The following PBX1 variants were observed in gnomAD, a reference collection of about 807,000 sequenced individuals.
The protein encoded by PBX1 is pre-B-cell leukemia transcription factor 1.
In PBX1, 6 loss-of-function variants were observed where a neutral mutation model predicts 53.4. The observed-to-expected ratio is 0.11, with a 90% CI of 0.06 to 0.22. The LOEUF is 0.22. Among genes scored for constraint, PBX1 ranks in the 10% least tolerant of loss-of-function variants. PBX1 has a pLI of 1.00. For synonymous variants in PBX1, 204 were observed against 212.3 expected, an observed-to-expected ratio of 0.96 and a Z score of 0.34; for missense variants, 251 against 551.4, an observed-to-expected ratio of 0.46 and a Z score of 5.46.
intron 2 of PBX1, among the ~76,000 whole-genome samples, chr1:164,701,326 G>T (rs1351184956): frequency 6.6e-6 from 1 of 152,196 alleles, no homozygotes; most frequent in Non-Finnish European, 1.5e-5. Context: ...TGTTATCTCA[G>T]ATATGGATAT....
chr1:164,623,448 A>C (rs1280276357), intron 2 of PBX1, among the ~76,000 whole-genome samples: 1 of 152,184 alleles, frequency 6.6e-6, no homozygotes, highest in Non-Finnish European at 1.5e-5. Context: ...TTGTCTAGGA[A>C]ATTTTTAAAG....
At position 164,747,334 on chromosome 1, in the gene PBX1, T is replaced by C. The variant is rs563243554; in HGVS notation, c.266-45160T>C. On this transcript the variant is annotated intron_variant, in intron 2 of 8. Transcript: ENST00000420696. Reference sequence around the variant, plus strand: ...TATGAATCATGTATATATATATATATACACACACACACATATGTATGTATG... The same window carrying C: ...TATGAATCATGTATATATATATATACACACACACACACATATGTATGTATG... Among the ~76,000 whole-genome samples the C allele has an allele frequency of 1.7e-3, 258 of 151,336 alleles. 1 individual carries two copies. The highest frequency in any genetic ancestry group is 3.0e-3 in the Non-Finnish European group (204 of 67,850).
intron 8 of PBX1, among the ~76,000 whole-genome samples, chr1:164,828,149 G>A (rs972033243): frequency 2.6e-5 from 4 of 152,138 alleles, no homozygotes; most frequent in Non-Finnish European, 5.9e-5. Flanking sequence ...ATAATAAAAA[G>A]CATTATTTTG....
intron 2 of PBX1, among the ~76,000 whole-genome samples, chr1:164,708,924 T>C (rs1291721891): frequency 6.6e-6 from 1 of 152,184 alleles, no homozygotes; most frequent in African/African-American, 2.4e-5. Context: ...CACTACTTAT[T>C]GAGTGCTGAC....
At chr1:164,884,783 G>A (rs888253010) in intron 2 of PBX1, among the ~76,000 whole-genome samples, 1 of 152,164 alleles carries the variant, frequency 6.6e-6, no homozygotes, top group Non-Finnish European at 1.5e-5. Context: ...GAGCCCCAAA[G>A]CAATAATCTC....
intron 2 of PBX1, among the ~76,000 whole-genome samples, chr1:164,780,809 G>A (rs1019703116): frequency 1.3e-5 from 2 of 152,078 alleles, no homozygotes; most frequent in Non-Finnish European, 2.9e-5. Flanking sequence ...AATCTCAGTC[G>A]CCCTTACCCC....
rs181099830 is a variant in PBX1, at chr1:164,808,407, T to G, written c.837+730T>G. 2.6e-5 allele frequency among the ~76,000 whole-genome samples: 4 copies of G among 152,326 alleles called. No individual in the cohort carries two copies. In the East Asian group the frequency reaches 7.7e-4, roughly 29 times the overall value. ...AGATCCACCCAAACTTCTTATTCAGTCTGAACCTCAAATACCACCACTGGT... is the reference window on the plus strand; with the variant it reads ...AGATCCACCCAAACTTCTTATTCAGGCTGAACCTCAAATACCACCACTGGT... On this transcript the variant is annotated intron_variant, in intron 5 of 8. Coordinates refer to ENST00000420696, the MANE Select transcript of PBX1 (RefSeq NM_002585.4).
rs1373389510 is a variant in PBX1 at position 164,847,784 on chromosome 1, A to G, written c.*1108A>G. 9.5e-7 allele frequency: 1 copy of G among 1,052,674 alleles called. No individual in the cohort carries two copies. The highest frequency in any genetic ancestry group is 1.1e-6 in the Non-Finnish European group (1 of 871,516). The allele number at this position is 1,052,674 out of a possible 1,614,324, so 65.2% of individuals were successfully genotyped here. A position where few individuals can be genotyped will look rare whatever the true frequency, so the allele number is the denominator to read the frequency against. On this transcript the variant is annotated 3_prime_UTR_variant, in exon 9 of 9. Transcript: ENST00000420696. Reference sequence around the variant, plus strand: ...AAGGTCACTGACACAGAGAAGCAGTATGTGTCTGGGGCTTCCAGGACCTGC... The same window carrying G: ...AAGGTCACTGACACAGAGAAGCAGTGTGTGTCTGGGGCTTCCAGGACCTGC...
chr1:164,739,327 C>A (rs989781184), intron 2 of PBX1, among the ~76,000 whole-genome samples: 1 of 152,100 alleles, frequency 6.6e-6, no homozygotes, highest in Non-Finnish European at 1.5e-5. Context: ...TCAAGAAATA[C>A]GTGGTTGTGG....
At chr1:164,641,346 A>G (rs1325787558) in intron 2 of PBX1, 1 of 152,830 alleles carries the variant, frequency 6.5e-6, no homozygotes, top group African/African-American at 2.4e-5. Flanking sequence ...TATGGTACCT[A>G]GGAAACTAGC....
At chr1:164,671,756 TAGAA>T (rs1661127371) in intron 2 of PBX1, among the ~76,000 whole-genome samples, 1 of 152,076 alleles carries the variant, frequency 6.6e-6, no homozygotes, top group Non-Finnish European at 1.5e-5. Flanking sequence ...TTCAAATCAA[TAGAA>T]AGCCTCTGCG....
chr1:164,605,794 AAAC>A (rs1439382458), intron 2 of PBX1, among the ~76,000 whole-genome samples: 5 of 152,358 alleles, frequency 3.3e-5, no homozygotes, highest in South Asian at 2.1e-4. Context: ...TTTATAAAGT[AAAC>A]AACATCTATT....
downstream of PBX1, among the ~76,000 whole-genome samples, chr1:164,855,138 G>T (rs1279827710): frequency 3.3e-5 from 5 of 151,938 alleles, no homozygotes; most frequent in African/African-American, 1.2e-4. Flanking sequence ...TAGAGATGAG[G>T]TCTTGCCATG....
intron 2 of PBX1, among the ~76,000 whole-genome samples, chr1:164,571,918 C>CATATATATAT (rs1557867060): frequency 4.7e-5 from 2 of 42,342 alleles, no homozygotes; most frequent in African/African-American, 8.7e-5. Context: ...TATATATATG[C>CATATATATAT]TTTTTTTTTT....
At chr1:164,624,697 TAAAC>T (rs1281248506) in intron 2 of PBX1, among the ~76,000 whole-genome samples, 1 of 152,242 alleles carries the variant, frequency 6.6e-6, no homozygotes, top group Non-Finnish European at 1.5e-5. Context: ...CACATTCACT[TAAAC>T]AAGCATTTTT....
chr1:164,677,944 A>C (rs1661533402), intron 2 of PBX1, among the ~76,000 whole-genome samples: 1 of 151,868 alleles, frequency 6.6e-6, no homozygotes, highest in African/African-American at 2.4e-5. Flanking sequence ...TTTGTTAAAA[A>C]CCCTATCCAT....
chr1:164,848,600 G>C lies in PBX1; in HGVS notation c.*1924G>C. On this transcript the variant is annotated 3_prime_UTR_variant, in exon 9 of 9. Transcript: ENST00000420696. ...AGTTATTGTTGATCTTCTTGGTTTT[G>C]GTCTGTCTCTTTTCTTAGGATAAAG... 2 of 1,058,012 alleles carry C rather than the reference G, an allele frequency of 1.9e-6. No homozygotes were observed. Among genetic ancestry groups the C allele is most frequent in the Non-Finnish European group, 2.3e-6 (2 of 874,828 alleles). 65.5% of individuals were successfully genotyped at this position (1,058,012 alleles called of 1,614,324 possible). A position where few individuals can be genotyped will look rare whatever the true frequency, so the allele number is the denominator to read the frequency against.
rs1408115043 is a variant in PBX1 at position 164,849,389 on chromosome 1, C to G, written c.*2713C>G. On this transcript the variant is annotated 3_prime_UTR_variant, in exon 9 of 9. Coordinates refer to ENST00000420696, the MANE Select transcript of PBX1 (RefSeq NM_002585.4). ...GCCCACTATCACTTCCGACTTCCAA[C>G]GTGGCATCCGTGAGATCTGTCCACA... 1.3e-6 allele frequency: 2 copies of G among 1,535,524 alleles called. No homozygotes were observed. Among genetic ancestry groups the G allele is most frequent in the Non-Finnish European group, 1.7e-6 (2 of 1,146,778 alleles).
intron 2 of PBX1, among the ~76,000 whole-genome samples, chr1:164,649,759 C>A (rs1165864165): frequency 6.6e-6 from 1 of 152,164 alleles, no homozygotes; most frequent in Non-Finnish European, 1.5e-5. Flanking sequence ...TCAAAATGAC[C>A]ATGCTGGGTC....
Sources: allele counts gnomAD v4.1 joint callset (sites outside exome capture counted in the v4.1 genomes callset), GRCh38; gene constraint gnomAD v4.1.1; transcripts MANE v1.5; gene names NCBI Gene and HGNC (gene_info 2026-07-23, HGNC 2026-07-21).